Variants in NTM observed in about 807,000 individuals in gnomAD.
NTM encodes neurotrimin.
In NTM, 13 loss-of-function variants were observed where a neutral mutation model predicts 42.1. The observed-to-expected ratio is 0.31, with a 90% confidence interval of 0.20 to 0.49. The LOEUF (loss-of-function observed/expected upper bound fraction) is 0.49. Ranked by LOEUF, NTM falls within the 20% of genes least tolerant of loss-of-function variation. The pLI, the probability that NTM is intolerant of heterozygous loss-of-function variation, is 0.99. For synonymous variants in NTM, 187 were observed against 179.2 expected (o/e 1.04, Z -0.35); for missense variants, 373 against 452.8 (o/e 0.82, Z 1.60).
intron 1 of NTM, among the ~76,000 whole-genome samples, chr11:131,656,928 T>A (rs2067261001): frequency 6.6e-6 from 1 of 152,092 alleles, no homozygotes; most frequent in African/African-American, 2.4e-5. Flanking sequence ...GAGTCATCTG[T>A]GCTCCGTGAG....
At chr11:131,714,399 C>T (rs1388042431) in intron 1 of NTM, among the ~76,000 whole-genome samples, 2 of 152,036 alleles carry the variant, frequency 1.3e-5, no homozygotes. Context: ...CCATGTTGGC[C>T]AGGCTCGTCT....
intron 1 of NTM, among the ~76,000 whole-genome samples, chr11:131,859,084 ATCCATCCATCCG>A (rs200188645): frequency 6.6e-6 from 1 of 152,042 alleles, no homozygotes; most frequent in Non-Finnish European, 1.5e-5. Context: ...ACATCCATCC[ATCCATCCATCCG>A]TCCATCCATG....
chr11:132,057,394 T>C (rs2135985533), intron 2 of NTM, among the ~76,000 whole-genome samples: 1 of 152,348 alleles, frequency 6.6e-6, no homozygotes, highest in East Asian at 1.9e-4. Context: ...TTTCTTGTCC[T>C]ACTTTGTCAA....
chr11:131,630,462 T>TC (rs371660472), intron 1 of NTM, among the ~76,000 whole-genome samples: 5 of 151,758 alleles, frequency 3.3e-5, no homozygotes, highest in African/African-American at 1.2e-4. Context: ...GTGTTTCTTT[T>TC]TTGCATTCTA....
intron 1 of NTM, among the ~76,000 whole-genome samples, chr11:131,387,207 T>A (rs2135560949): frequency 6.6e-6 from 1 of 152,300 alleles, no homozygotes; most frequent in African/African-American, 2.4e-5. Context: ...ATTGCAAAAT[T>A]AAAAGCCAAT....
chr11:131,405,086 AG>A (rs1945662970), intron 1 of NTM, among the ~76,000 whole-genome samples: 1 of 152,220 alleles, frequency 6.6e-6, no homozygotes, highest in African/African-American at 2.4e-5. Context: ...GACACATGAA[AG>A]GTTGTCTGTT....
At chr11:132,235,173 G>A (rs940144375) in intron 4 of NTM, among the ~76,000 whole-genome samples, 8 of 152,202 alleles carry the variant, frequency 5.3e-5, no homozygotes, top group Admixed American at 3.9e-4. Flanking sequence ...TTCTAATGCA[G>A]GGGGAGTCAT....
chr11:131,830,760 A>G (rs1375584536), intron 1 of NTM, among the ~76,000 whole-genome samples: 1 of 152,192 alleles, frequency 6.6e-6, no homozygotes, highest in Non-Finnish European at 1.5e-5. Flanking sequence ...TGTTTTGGAC[A>G]TTATGGCCAT....
chr11:132,031,348 A>G (rs921244968), intron 2 of NTM, among the ~76,000 whole-genome samples: 6 of 152,220 alleles, frequency 3.9e-5, no homozygotes, highest in Non-Finnish European at 4.4e-5. Context: ...GACCATGAGA[A>G]TAGACTCCAA....
chr11:132,131,601 G>A (rs2066837733), intron 2 of NTM, among the ~76,000 whole-genome samples: 1 of 152,052 alleles, frequency 6.6e-6, no homozygotes, highest in Admixed American at 6.5e-5. Flanking sequence ...GTGGGAAATG[G>A]GTTGGGGCAT....
At chr11:131,784,033 G>A (rs770712772) in intron 1 of NTM, among the ~76,000 whole-genome samples, 1 of 152,086 alleles carries the variant, frequency 6.6e-6, no homozygotes, top group Non-Finnish European at 1.5e-5. Context: ...CACATGAAAA[G>A]AGGCTCAACA....
chr11:131,846,409 G>T (rs1037523287), intron 1 of NTM, among the ~76,000 whole-genome samples: 3 of 151,574 alleles, frequency 2.0e-5, no homozygotes, highest in African/African-American at 7.3e-5. Context: ...ATATTCTTTG[G>T]GTTTACTCTG....
intron 1 of NTM, among the ~76,000 whole-genome samples, chr11:131,416,537 T>C (rs1946977826): frequency 6.6e-6 from 1 of 152,188 alleles, no homozygotes; most frequent in Admixed American, 6.5e-5. Flanking sequence ...CTCACTATGC[T>C]TGGGGAGCCA....
At chr11:131,907,185 G>A (rs1331036670) in intron 1 of NTM, among the ~76,000 whole-genome samples, 3 of 152,214 alleles carry the variant, frequency 2.0e-5, no homozygotes, top group African/African-American at 7.2e-5. Flanking sequence ...TTAAGCTAGT[G>A]CTCCTCTTTT....
At chr11:131,879,442 A>C (rs959119095) in intron 1 of NTM, among the ~76,000 whole-genome samples, 4 of 152,164 alleles carry the variant, frequency 2.6e-5, no homozygotes, top group Admixed American at 6.5e-5. Flanking sequence ...GGTCATCTTA[A>C]TGATGACAGC....
chr11:131,390,756 A>C (rs923149930), intron 1 of NTM, among the ~76,000 whole-genome samples: 3 of 152,120 alleles, frequency 2.0e-5, no homozygotes, highest in Non-Finnish European at 4.4e-5. Context: ...GTCCCCTGGC[A>C]CTTGTTAGCA....
chr11:132,200,905 C>T (rs926603039), intron 3 of NTM, among the ~76,000 whole-genome samples: 1 of 152,194 alleles, frequency 6.6e-6, no homozygotes, highest in East Asian at 1.9e-4. Context: ...TACATACATA[C>T]TTACATATTT....
intron 2 of NTM, among the ~76,000 whole-genome samples, chr11:132,098,324 CA>C (rs1032705400): frequency 3.3e-5 from 5 of 152,030 alleles, no homozygotes; most frequent in African/African-American, 1.2e-4. Context: ...ATCTTAAATG[CA>C]AAAAAGGTAG....
intron 2 of NTM, among the ~76,000 whole-genome samples, chr11:132,036,556 G>A (rs924592155): frequency 3.3e-5 from 5 of 152,200 alleles, no homozygotes; most frequent in African/African-American, 9.6e-5. Flanking sequence ...TGATGAGAAG[G>A]TTCAGTAACC....
Sources: allele counts gnomAD v4.1 joint callset (sites outside exome capture counted in the v4.1 genomes callset), GRCh38; gene constraint gnomAD v4.1.1; transcripts MANE v1.5; gene names NCBI Gene and HGNC (gene_info 2026-07-23, HGNC 2026-07-21).